ITGA5: variants seen among roughly 807,000 people sequenced by gnomAD.
ITGA5 encodes integrin subunit alpha 5.
Under a neutral mutation model 146.3 loss-of-function variants are expected in ITGA5, and 55 were observed. The observed-to-expected ratio is 0.38, with a 90% CI of 0.30 to 0.47. ITGA5 has a LOEUF of 0.47. Among genes scored for constraint, ITGA5 ranks in the 20% least tolerant of loss-of-function variants. The pLI is 0.99. For synonymous variants in ITGA5, 500 were observed against 531.8 expected (o/e 0.94, Z 0.82); for missense variants, 1,131 against 1,329.0 (o/e 0.85, Z 2.32).
chr12:54,408,333 A>C, intron 6 of ITGA5, 98 bp from the exon 7 acceptor site: 1 of 1,356,718 alleles, frequency 7.4e-7, no homozygotes, highest in Non-Finnish European at 1.0e-6. Flanking sequence ...AGTCTGGTTC[A>C]AGAAAGGGAA....
intron 25 of ITGA5, chr12:54,400,264 A>G (rs531208745): frequency 3.0e-6 from 1 of 334,842 alleles, no homozygotes; most frequent in South Asian, 4.1e-5. Context: ...CTTATCTTTC[A>G]GGCCTCAGTT....
At chr12:54,404,929 C>G in intron 12 of ITGA5, 35 bp from the exon 13 acceptor site, 1 of 1,494,384 alleles carries the variant, frequency 6.7e-7, no homozygotes, top group Non-Finnish European at 8.9e-7. Flanking sequence ...GTCAGCAGGC[C>G]AGGAATCCAT....
chr12:54,401,754 C>T lies in ITGA5; in HGVS notation c.2306+22G>A. 1.2e-6 allele frequency: 2 copies of T among 1,613,410 alleles called. No individual in the cohort carries two copies. Among genetic ancestry groups the T allele is most frequent in the South Asian group, 1.1e-5 (1 of 91,062 alleles). On this transcript the variant is annotated intron_variant, in intron 22 of 29. Transcript: ENST00000293379. The surrounding 1 kb of genome is among the most constrained non-coding windows in gnomAD (Gnocchi z 5.0). ...CCTTCCGTCCCCAGCTCAGCCCCAG[C>T]CTAGACACACTCACTCCCTACCTGA...
intron 1 of ITGA5, among the ~76,000 whole-genome samples, chr12:54,417,229 G>T (rs1193595353): frequency 2.6e-5 from 4 of 151,996 alleles, no homozygotes; most frequent in African/African-American, 9.7e-5. Flanking sequence ...CCAGGAATGT[G>T]TGAAGTCCAG....
chr12:54,407,331 A>T (rs1437262913), intron 9 of ITGA5: 1 of 386,862 alleles, frequency 2.6e-6, no homozygotes, highest in Admixed American at 3.9e-5. Flanking sequence ...AACATCTGCC[A>T]GTTGTACATT....
intron 1 of ITGA5, among the ~76,000 whole-genome samples, chr12:54,413,718 C>T (rs929648732): frequency 1.3e-5 from 2 of 152,190 alleles, no homozygotes; most frequent in African/African-American, 4.8e-5. Flanking sequence ...AAAGGGCCAC[C>T]AACCTGAACT....
In ITGA5 at chr12:54,419,031, C is replaced by T. The variant is rs758082744; in HGVS notation, c.168G>A (p.Pro56=). Reference sequence around the variant, plus strand: ...CCACTGAGAATCCGAAGAAGGAGCCCGGGGGCCCCGAGAGTACTGCTGGGG... The same window carrying T: ...CCACTGAGAATCCGAAGAAGGAGCCTGGGGGCCCCGAGAGTACTGCTGGGG... ...AEAPAVLSGP[P]GSFFGFSVEF... is the part of the protein sequence containing the mutation. The change falls in exon 1 of 30, where the codon CCG becomes CCA. Residue 56 remains proline (P), a synonymous_variant. Transcript: ENST00000293379. 1.1e-5 allele frequency: 18 copies of T among 1,600,136 alleles called. No individual in the cohort carries two copies. The highest frequency in any genetic ancestry group is 2.7e-5 in the African/African-American group (2 of 73,990).
rs1956005812 is a variant in ITGA5 at position 54,416,165 on chromosome 12, G to C, written c.218+2816C>G. The stretch of plus-strand genomic sequence containing the variant: ...GCTCACTGCAATCTCTGCCTCCCAG[G>C]TTCAAGGGATTCTCCTGCCTCAGTT... On this transcript the variant is annotated intron_variant, in intron 1 of 29. Transcript: ENST00000293379. This position sits in a 1 kb window ranked among gnomAD's most constrained non-coding sequence, Gnocchi z 4.1. Among the ~76,000 whole-genome samples the C allele has an allele frequency of 6.6e-6, 1 of 152,170 alleles. No individual in the cohort carries two copies. The highest frequency in any genetic ancestry group is 2.4e-5 in the African/African-American group (1 of 41,418).
intron 29 of ITGA5, 22 bp downstream of exon 29, chr12:54,397,343 T>C: frequency 6.2e-7 from 1 of 1,613,368 alleles, no homozygotes; most frequent in Non-Finnish European, 8.5e-7. Flanking sequence ...GGTGGCCAAG[T>C]CACAAGCAGG....
intron 2 of ITGA5, 109 bp downstream of exon 2, chr12:54,411,725 C>T (rs947054498): frequency 1.6e-5 from 15 of 930,646 alleles, no homozygotes; most frequent in Admixed American, 7.5e-5. Context: ...TGAGAGGTCA[C>T]GTGGCCGGGG....
intron 2 of ITGA5, among the ~76,000 whole-genome samples, chr12:54,411,629 C>T (rs1311980637): frequency 1.3e-5 from 2 of 152,306 alleles, no homozygotes; most frequent in South Asian, 2.1e-4. Flanking sequence ...GAATCATGCC[C>T]GTCCTCCTTG....
intron 1 of ITGA5, among the ~76,000 whole-genome samples, chr12:54,418,096 C>T (rs996316732): frequency 1.3e-5 from 2 of 152,140 alleles, no homozygotes; most frequent in South Asian, 4.1e-4. Flanking sequence ...CCCCAGCTTC[C>T]GACCCCAGCC....
intron 1 of ITGA5, among the ~76,000 whole-genome samples, chr12:54,415,800 T>C (rs73322250): frequency 0.051 from 7,753 of 152,210 alleles, 494 homozygotes; most frequent in African/African-American, 0.14. Context: ...TGGGGTCCCC[T>C]AGTGCATTCA....
In ITGA5 at chr12:54,403,289, A is replaced by G; in HGVS notation, c.1812T>C (p.Ile604=). 1 of 1,547,890 alleles carries G rather than the reference A, an allele frequency of 6.5e-7. No homozygotes were observed. Among genetic ancestry groups the G allele is most frequent in the Non-Finnish European group, 8.7e-7 (1 of 1,150,062 alleles). ...ESEFRDKLSP[I]HIALNFSLDP... is the part of the protein sequence containing the mutation. ...CCAAGGAGAAGTTGAGAGCGATGTG[A>G]ATCGGCGAGAGTTTGTCTCGAAATT... Residue 604 remains isoleucine (I), a synonymous_variant, in exon 18 of 30, where the codon ATT becomes ATC. Coordinates refer to ENST00000293379, the MANE Select transcript of ITGA5 (RefSeq NM_002205.5). This position sits in a 1 kb window ranked among gnomAD's most constrained non-coding sequence, Gnocchi z 4.9.
At chr12:54,408,981 G>T in intron 4 of ITGA5, 27 bp from the exon 5 acceptor site, 1 of 1,610,030 alleles carries the variant, frequency 6.2e-7, no homozygotes, top group South Asian at 1.1e-5. Context: ...TGGTGAAAAT[G>T]AGCCCTGCAT....
chr12:54,398,520 C>A, intron 28 of ITGA5, 77 bp downstream of exon 28: 12 of 1,011,952 alleles, frequency 1.2e-5, no homozygotes, highest in Non-Finnish European at 1.7e-5. Context: ...CAAGGCCAGC[C>A]CTCACCCAAG....
At chr12:54,398,215 C>T (rs1955738283) in intron 28 of ITGA5, among the ~76,000 whole-genome samples, 1 of 152,120 alleles carries the variant, frequency 6.6e-6, no homozygotes, top group Admixed American at 6.5e-5. Context: ...TGTTATTCAC[C>T]TCTCCCCAGG....
Position 54,419,162 on chromosome 12 carries a change from C to G in ITGA5, c.37G>C (p.Val13Leu), listed in dbSNP as rs762430573. 1 of 1,583,210 alleles carries G rather than the reference C, an allele frequency of 6.3e-7. No individual in the cohort carries two copies. The highest frequency in any genetic ancestry group is 8.6e-7 in the Non-Finnish European group (1 of 1,166,040). Residue 13 changes from valine to leucine, a missense_variant, in exon 1 of 30, where the codon GTG becomes CTG. Transcript: ENST00000293379. Reference protein sequence around the residue: ...SRTPESPLHAVQLRWGPRRRP... With the variant: ...SRTPESPLHALQLRWGPRRRP... The stretch of plus-strand genomic sequence containing the variant: ...CGCCGGGGGCCCCAGCGCAGCTGCA[C>G]GGCGTGGAGAGGGGACTCTGGCGTC...
Position 54,407,402 on chromosome 12 carries a change from C to T in ITGA5, c.906+247G>A, listed in dbSNP as rs143645441. 228 of 549,072 alleles carry T rather than the reference C, an allele frequency of 4.2e-4. 1 individual carries two copies. The highest frequency in any genetic ancestry group is 3.4e-3 in the African/African-American group (179 of 53,222). 34.0% of individuals were successfully genotyped at this position (549,072 alleles called of 1,614,324 possible). A position where few individuals can be genotyped will look rare whatever the true frequency, so the allele number is the denominator to read the frequency against. On this transcript the variant is annotated intron_variant, in intron 9 of 29. Coordinates refer to ENST00000293379, the MANE Select transcript of ITGA5 (RefSeq NM_002205.5). ...TCTCATTTCATCCTTGCCAGAGCCTCGTGAGGTCAGAACGATTGTTATCCC... is the reference window on the plus strand; with the variant it reads ...TCTCATTTCATCCTTGCCAGAGCCTTGTGAGGTCAGAACGATTGTTATCCC...
Sources: gnomAD v4.1 joint callset for allele counts (sites outside exome capture counted in the v4.1 genomes callset) on GRCh38, gnomAD v4.1.1 for gene constraint, Gnocchi (gnomAD v3.1) non-coding constraint, MANE v1.5 for transcripts, NCBI Gene and HGNC (gene_info 2026-07-23, HGNC 2026-07-21) for gene names.